Variants in TTLL11 observed in about 807,000 individuals in gnomAD.
TTLL11 encodes the protein tubulin polyglutamylase TTLL11.
TTLL11 carries 42 observed loss-of-function variants against 51.7 expected under a neutral mutation model. That is an observed-to-expected ratio of 0.81 (90% CI 0.64 to 1.05). The LOEUF (loss-of-function observed/expected upper bound fraction) is 1.05, where lower values mean the gene tolerates loss of function less well. Ranked by LOEUF, TTLL11 falls within the 50% of genes least tolerant of loss-of-function variation. The pLI is 0.00. For missense variants in TTLL11, 799 were observed against 940.4 expected, an observed-to-expected ratio of 0.85 and a Z score of 1.97; for synonymous variants, 381 against 383.5, an observed-to-expected ratio of 0.99 and a Z score of 0.08.
intron 1 of TTLL11, among the ~76,000 whole-genome samples, chr9:122,045,317 C>T (rs895649168): frequency 2.0e-5 from 3 of 152,076 alleles, no homozygotes; most frequent in Non-Finnish European, 4.4e-5. Context: ...CTTTGGGAGG[C>T]CGAGGTGGGC....
intron 2 of TTLL11, among the ~76,000 whole-genome samples, chr9:122,034,253 C>A (rs1466315152): frequency 6.6e-6 from 1 of 152,200 alleles, no homozygotes; most frequent in Non-Finnish European, 1.5e-5. Context: ...TGAGGGCAGT[C>A]TGGGTGCTCC....
chr9:122,038,315 C>T (rs983464365), intron 2 of TTLL11, among the ~76,000 whole-genome samples: 14 of 152,072 alleles, frequency 9.2e-5, no homozygotes, highest in Admixed American at 5.2e-4. Flanking sequence ...CTAAGCTGTC[C>T]TACCATCTTA....
At chr9:122,002,706 G>A (rs1342767793) in intron 3 of TTLL11, among the ~76,000 whole-genome samples, 1 of 152,068 alleles carries the variant, frequency 6.6e-6, no homozygotes, top group Non-Finnish European at 1.5e-5. Flanking sequence ...CAGCACTTTG[G>A]GAGGCTGAGG....
At chr9:121,837,800 A>C (rs1055594533) in intron 8 of TTLL11, among the ~76,000 whole-genome samples, 3 of 152,064 alleles carry the variant, frequency 2.0e-5, no homozygotes, top group Admixed American at 6.5e-5. Context: ...CAAAGGGCTC[A>C]CGCCAAACGC....
At chr9:121,975,110 C>T (rs961932199) in intron 4 of TTLL11, 131 bp from the exon 5 acceptor site, 1 of 601,512 alleles carries the variant, frequency 1.7e-6, no homozygotes, top group South Asian at 2.6e-5. Context: ...TCCACAGCCC[C>T]TCTTCCTCTG....
At chr9:121,954,949 C>T (rs1210079227) in intron 6 of TTLL11, among the ~76,000 whole-genome samples, 3 of 152,136 alleles carry the variant, frequency 2.0e-5, no homozygotes, top group African/African-American at 4.8e-5. Context: ...AGACCACATG[C>T]AAGGGAAGCG....
In TTLL11 at chr9:121,853,591, G is replaced by C. The variant is rs1311370768; in HGVS notation, c.1840+6746C>G. Among the ~76,000 whole-genome samples the C allele has an allele frequency of 6.6e-6, 1 of 152,166 alleles. No individual in the cohort carries two copies. Among genetic ancestry groups the C allele is most frequent in the Non-Finnish European group, 1.5e-5 (1 of 68,026 alleles). ...TGAAATGCGCCAATGTCCTCCCCTG[G>C]GGTTGGAATTGTGAGACCAGTGACT... On this transcript the variant is annotated intron_variant, in intron 8 of 8. Transcript: ENST00000321582. The surrounding 1 kb of genome is among the most constrained non-coding windows in gnomAD (Gnocchi z 5.6).
intron 6 of TTLL11, among the ~76,000 whole-genome samples, chr9:121,916,123 T>A (rs1840317324): frequency 6.6e-6 from 1 of 151,462 alleles, no homozygotes; most frequent in African/African-American, 2.4e-5. Flanking sequence ...ATAAAAAGAA[T>A]GAAAATGCCC....
intron 7 of TTLL11, among the ~76,000 whole-genome samples, chr9:121,861,265 C>T (rs1023747956): frequency 7.9e-5 from 12 of 152,026 alleles, no homozygotes; most frequent in Admixed American, 6.6e-4. Flanking sequence ...TTAGTAGAGA[C>T]GGAGTTTCAC....
intron 8 of TTLL11, among the ~76,000 whole-genome samples, chr9:121,850,135 T>C (rs1837626089): frequency 6.7e-6 from 1 of 148,806 alleles, no homozygotes; most frequent in African/African-American, 2.5e-5. Context: ...AATGCATGGA[T>C]ATGGAAGACT....
intron 1 of TTLL11, among the ~76,000 whole-genome samples, chr9:122,057,370 T>C (rs939253398): frequency 2.0e-5 from 3 of 149,048 alleles, no homozygotes; most frequent in Non-Finnish European, 4.4e-5. Flanking sequence ...TCACCCATGC[T>C]GGAGTGCACT....
intron 6 of TTLL11, among the ~76,000 whole-genome samples, chr9:121,924,293 G>A (rs569454778): frequency 4.5e-4 from 69 of 152,294 alleles, no homozygotes; most frequent in African/African-American, 1.4e-3. Context: ...TAGTGACGCC[G>A]TTGAATGTGA....
At chr9:122,044,648 C>G (rs1048187568) in intron 1 of TTLL11, among the ~76,000 whole-genome samples, 3 of 152,062 alleles carry the variant, frequency 2.0e-5, no homozygotes, top group Non-Finnish European at 2.9e-5. Flanking sequence ...TCCTACAACT[C>G]AACAATGAAA....
chr9:121,953,174 A>C (rs1429577897), intron 6 of TTLL11, among the ~76,000 whole-genome samples: 2 of 152,204 alleles, frequency 1.3e-5, no homozygotes, highest in African/African-American at 4.8e-5. Context: ...GACTGGAGTG[A>C]TACCACCAAA....
intron 3 of TTLL11, among the ~76,000 whole-genome samples, chr9:121,990,379 A>C (rs1843075764): frequency 6.6e-6 from 1 of 152,220 alleles, no homozygotes; most frequent in Admixed American, 6.5e-5. Context: ...TTGAGGATTA[A>C]ATGCAATCAT....
At chr9:121,854,807 GAA>G (rs1317529989) in intron 8 of TTLL11, among the ~76,000 whole-genome samples, 1 of 152,018 alleles carries the variant, frequency 6.6e-6, no homozygotes, top group Non-Finnish European at 1.5e-5. Context: ...TTCTTTATTT[GAA>G]TTCTGGGCAA....
intron 6 of TTLL11, among the ~76,000 whole-genome samples, chr9:121,922,662 C>T (rs1039430043): frequency 2.6e-5 from 4 of 152,004 alleles, no homozygotes; most frequent in African/African-American, 9.7e-5. Context: ...CTGCTGTCAC[C>T]ATGATAATGA....
intron 6 of TTLL11, among the ~76,000 whole-genome samples, chr9:121,924,348 T>C (rs558160764): frequency 6.6e-6 from 1 of 152,324 alleles, no homozygotes; most frequent in South Asian, 2.1e-4. Flanking sequence ...TCCCCAGCAC[T>C]GTGGCAGTGA....
At chr9:121,922,976 A>C (rs1457198292) in intron 6 of TTLL11, among the ~76,000 whole-genome samples, 3 of 152,238 alleles carry the variant, frequency 2.0e-5, no homozygotes, top group Non-Finnish European at 4.4e-5. Context: ...ATGCTAAGTT[A>C]GCACTTACTT....
Sources: gnomAD v4.1 joint callset for allele counts (sites outside exome capture counted in the v4.1 genomes callset) on GRCh38, gnomAD v4.1.1 for gene constraint, Gnocchi (gnomAD v3.1) non-coding constraint, MANE v1.5 for transcripts, NCBI Gene and HGNC (gene_info 2026-07-23, HGNC 2026-07-21) for gene names.